CDH13: variants seen among roughly 807,000 people sequenced by gnomAD.
CDH13 encodes the protein cadherin-13.
CDH13 carries 24 observed loss-of-function variants against 63.8 expected under a neutral mutation model. The ratio of observed to expected loss-of-function variants is 0.38; its 90% CI spans 0.27 to 0.53. The LOEUF is 0.53. Among genes scored for constraint, CDH13 ranks in the 20% least tolerant of loss-of-function variants. CDH13 has a pLI of 0.85. For synonymous variants in CDH13, 503 were observed against 355.3 expected, an observed-to-expected ratio of 1.42 and a Z score of -4.67; for missense variants, 1,049 against 903.1, an observed-to-expected ratio of 1.16 and a Z score of -2.07.
At chr16:83,073,354 TGAGAGAGAGAGA>T (rs58505161) in intron 3 of CDH13, among the ~76,000 whole-genome samples, 202 of 139,856 alleles carry the variant, frequency 1.4e-3, no homozygotes, top group South Asian at 2.3e-3. Flanking sequence ...TGTGTGTGTG[TGAGAGAGAGAGA>T]GAGAGAGAGA....
At chr16:82,835,439 C>T (rs2038726623) in intron 1 of CDH13, among the ~76,000 whole-genome samples, 1 of 152,168 alleles carries the variant, frequency 6.6e-6, no homozygotes, top group Non-Finnish European at 1.5e-5. Flanking sequence ...GACCATATTC[C>T]AAGCTGCAAA....
At chr16:83,721,971 G>A (rs565920285) in intron 10 of CDH13, 3 of 152,338 alleles carry the variant, frequency 2.0e-5, no homozygotes, top group African/African-American at 7.2e-5. Flanking sequence ...GCCAAGCTAA[G>A]TAAACTGGAC....
intron 6 of CDH13, among the ~76,000 whole-genome samples, chr16:83,461,020 CAGAACAA>C (rs1426463048): frequency 5.3e-5 from 8 of 151,100 alleles, no homozygotes; most frequent in Admixed American, 4.6e-4. Context: ...CACACACACA[CAGAACAA>C]ACACTGCAGA....
chr16:83,732,802 G>C (rs376321724), intron 10 of CDH13, among the ~76,000 whole-genome samples: 1 of 152,150 alleles, frequency 6.6e-6, no homozygotes, highest in South Asian at 2.1e-4. Flanking sequence ...AGCTGCACTT[G>C]TCATCACAGA....
intron 7 of CDH13, among the ~76,000 whole-genome samples, chr16:83,516,004 C>G (rs79511397): frequency 6.6e-6 from 1 of 152,106 alleles, no homozygotes; most frequent in Non-Finnish European, 1.5e-5. Context: ...TCCATTTCTG[C>G]TCCAACCAAG....
At chr16:83,754,777 A>C (rs1009370416) in intron 11 of CDH13, among the ~76,000 whole-genome samples, 1 of 152,156 alleles carries the variant, frequency 6.6e-6, no homozygotes, top group Non-Finnish European at 1.5e-5. Context: ...GAAACTGTAC[A>C]TTCAATTAAA....
intron 5 of CDH13, among the ~76,000 whole-genome samples, chr16:83,270,380 C>G (rs1219438601): frequency 6.6e-6 from 1 of 152,138 alleles, no homozygotes; most frequent in Non-Finnish European, 1.5e-5. Context: ...ATAATATGCC[C>G]ACGAGGAAAT....
intron 7 of CDH13, among the ~76,000 whole-genome samples, chr16:83,593,815 G>C (rs769590791): frequency 6.6e-6 from 1 of 152,118 alleles, no homozygotes; most frequent in Non-Finnish European, 1.5e-5. Context: ...AAGAAGCTCG[G>C]ATTGTCATAG....
At chr16:83,447,227 C>T (rs1446555576) in intron 6 of CDH13, among the ~76,000 whole-genome samples, 1 of 147,488 alleles carries the variant, frequency 6.8e-6, no homozygotes, top group Non-Finnish European at 1.5e-5. Context: ...CCAGCCTAGT[C>T]AACATGGTGA....
chr16:83,004,315 A>G (rs1235988071), intron 2 of CDH13, among the ~76,000 whole-genome samples: 1 of 152,230 alleles, frequency 6.6e-6, no homozygotes, highest in Non-Finnish European at 1.5e-5. Flanking sequence ...TTGAATTCAC[A>G]AAACACTATG....
chr16:82,976,686 G>A (rs1444127615), intron 2 of CDH13, among the ~76,000 whole-genome samples: 2 of 152,176 alleles, frequency 1.3e-5, no homozygotes, highest in East Asian at 3.9e-4. Flanking sequence ...GCACTGAGGG[G>A]TTCAGACTCC....
intron 6 of CDH13, among the ~76,000 whole-genome samples, chr16:83,362,679 A>C (rs1039798333): frequency 2.0e-5 from 3 of 152,174 alleles, no homozygotes; most frequent in African/African-American, 4.8e-5. Flanking sequence ...CCTGACCTCA[A>C]ATACCATCTT....
At chr16:82,896,075 T>C (rs1480841617) in intron 2 of CDH13, among the ~76,000 whole-genome samples, 1 of 152,136 alleles carries the variant, frequency 6.6e-6, no homozygotes, top group East Asian at 1.9e-4. Flanking sequence ...CTGTTTTATG[T>C]TGTTTATATA....
intron 7 of CDH13, among the ~76,000 whole-genome samples, chr16:83,590,728 G>A (rs191774001): frequency 6.6e-6 from 1 of 152,130 alleles, no homozygotes; most frequent in Non-Finnish European, 1.5e-5. Flanking sequence ...CCTGCATTGA[G>A]TCATACATTC....
intron 3 of CDH13, among the ~76,000 whole-genome samples, chr16:83,074,344 G>A (rs1053087924): frequency 1.3e-5 from 2 of 152,128 alleles, no homozygotes; most frequent in Non-Finnish European, 2.9e-5. Flanking sequence ...TAGCCAAATA[G>A]TATTTCATTG....
At chr16:83,339,769 C>T (rs572166118) in intron 5 of CDH13, among the ~76,000 whole-genome samples, 101 of 152,302 alleles carry the variant, frequency 6.6e-4, no homozygotes, top group African/African-American at 2.1e-3. Context: ...TCTGGATCTC[C>T]CTCCCATGAT....
rs539590791 is a variant in CDH13, at chr16:83,637,362, G to A, written c.1102-33428G>A. On this transcript the variant is annotated intron_variant, in intron 8 of 13. Transcript: ENST00000567109. ...CGGTGATTTCTGCATTTCCATCTGA[G>A]GTACCGGGTTCATCTCACTAGGGAG... 3.9e-4 allele frequency among the ~76,000 whole-genome samples: 30 copies of A among 77,446 alleles called. 1 individual carries two copies. Among genetic ancestry groups the A allele is most frequent in the African/African-American group, 1.6e-3 (30 of 19,116 alleles). The allele number at this position is 77,446 out of a possible 152,430, so 50.8% of individuals were successfully genotyped here.
At chr16:83,632,465 C>T (rs62040232) in intron 8 of CDH13, among the ~76,000 whole-genome samples, 2 of 151,774 alleles carry the variant, frequency 1.3e-5, no homozygotes, top group African/African-American at 4.8e-5. Flanking sequence ...ATTATCACGC[C>T]GAATCCTTAT....
chr16:82,790,329 G>T (rs1170609679), intron 1 of CDH13, among the ~76,000 whole-genome samples: 2 of 152,096 alleles, frequency 1.3e-5, no homozygotes, highest in Non-Finnish European at 2.9e-5. Context: ...TAACTACTCA[G>T]GAGGTTGAGG....
Sources: gnomAD v4.1 joint callset for allele counts (sites outside exome capture counted in the v4.1 genomes callset) on GRCh38, gnomAD v4.1.1 for gene constraint, MANE v1.5 for transcripts, NCBI Gene and HGNC (gene_info 2026-07-23, HGNC 2026-07-21) for gene names.